The following PIK3CD variants were observed in gnomAD, a reference collection of about 807,000 sequenced individuals.
PIK3CD encodes the protein phosphatidylinositol 4,5-bisphosphate 3-kinase catalytic subunit delta isoform.
PIK3CD carries 20 observed loss-of-function variants against 122.9 expected under a neutral mutation model. That is an observed-to-expected ratio of 0.16 (90% CI 0.11 to 0.24). The LOEUF (loss-of-function observed/expected upper bound fraction) is 0.24, where lower values mean the gene tolerates loss of function less well. Ranked by LOEUF, PIK3CD falls within the 10% of genes least tolerant of loss-of-function variation. PIK3CD has a pLI of 1.00. For missense variants in PIK3CD, 787 were observed against 1,406.3 expected, an observed-to-expected ratio of 0.56 and a Z score of 7.04; for synonymous variants, 596 against 593.4, an observed-to-expected ratio of 1.00 and a Z score of -0.06.
the PIK3CD span, among the ~76,000 whole-genome samples, chr1:9,630,105 G>A: frequency 3.3e-5 from 5 of 152,216 alleles, no homozygotes; most frequent in Non-Finnish European, 5.9e-5. Flanking sequence ...TCCTCAGTGC[G>A]GTCCTCACTC....
rs185658676 is a variant in PIK3CD at position 9,686,498 on chromosome 1, G to A, written c.-137-4969G>A. Among the ~76,000 whole-genome samples the A allele has an allele frequency of 1.5e-3, 232 of 151,826 alleles. 1 individual carries two copies. Among genetic ancestry groups the A allele is most frequent in the African/African-American group, 5.2e-3 (217 of 41,378 alleles). On this transcript the variant is annotated intron_variant, in intron 1 of 23. Coordinates refer to ENST00000377346, the MANE Select transcript of PIK3CD (RefSeq NM_005026.5). Reference sequence around the variant, plus strand: ...ATTACAGGCGTGAGCCACCGTGCCCGCCTTAATTTACTCTGATTTTTCTTT... The same window carrying A: ...ATTACAGGCGTGAGCCACCGTGCCCACCTTAATTTACTCTGATTTTTCTTT...
In PIK3CD at chr1:9,675,356, C is replaced by A. The variant is rs1201032150; in HGVS notation, c.-137-16111C>A. Among the ~76,000 whole-genome samples, 185 of 141,014 alleles carry A rather than the reference C, an allele frequency of 1.3e-3. No individual in the cohort carries two copies. The Middle Eastern group carries it at 0.015, about 11-fold the overall frequency. The allele number at this position is 141,014 out of a possible 152,430, so 92.5% of individuals were successfully genotyped here. A position where few individuals can be genotyped will look rare whatever the true frequency, so the allele number is the denominator to read the frequency against. On this transcript the variant is annotated intron_variant, in intron 1 of 23. Coordinates refer to ENST00000377346, the MANE Select transcript of PIK3CD (RefSeq NM_005026.5). ...AGCCGAGATTGCGCCACTGCACTCC[C>A]ACCTGGGCCACAGAGCGAGACTCCG... is the stretch of plus-strand genomic sequence containing the variant.
chr1:9,713,183 T>C lies in PIK3CD; in HGVS notation c.142-2358T>C, dbSNP rs563915041. Among the ~76,000 whole-genome samples the C allele has an allele frequency of 5.0e-3, 758 of 151,756 alleles. 1 individual carries two copies. Among genetic ancestry groups the C allele is most frequent in the Non-Finnish European group, 9.1e-3 (621 of 67,882 alleles). On this transcript the variant is annotated intron_variant, in intron 3 of 23. Coordinates refer to ENST00000377346, the MANE Select transcript of PIK3CD (RefSeq NM_005026.5). ...TGGGCGACAAGAGCGAAACTCTGTC[T>C]CAAAAAAAAATCAGCCTGTGTGGTG...
intron 1 of PIK3CD, among the ~76,000 whole-genome samples, chr1:9,669,317 C>T (rs1479216178): frequency 1.3e-5 from 2 of 152,092 alleles, no homozygotes; most frequent in Non-Finnish European, 2.9e-5. Context: ...TGCCACCACA[C>T]CCGGGTAATT....
Position 9,716,498 on chromosome 1 carries a change from C to T in PIK3CD, c.659C>T (p.Ala220Val). ...GTGCCGCTGGCGCTGATGGCCTGTG[C>T]CCTGCGGAAGAAGGCCACAGTGTTC... ...KDVPLALMAC[A>V]LRKKATVFRQ... Residue 220 changes from alanine to valine, a missense_variant, in exon 6 of 24, where the codon GCC (alanine) becomes GTC (valine). By Grantham distance (64) the Ala-to-Val change is moderately conservative. This residue lies in a region of PIK3CD where 592 missense variants were observed against 920.6 expected (regional missense o/e 0.64). Coordinates refer to ENST00000377346, the MANE Select transcript of PIK3CD (RefSeq NM_005026.5). 1 of 1,610,968 alleles carries T rather than the reference C, an allele frequency of 6.2e-7. No individual in the cohort carries two copies. The highest frequency in any genetic ancestry group is 2.2e-4 in the Middle Eastern group (1 of 4,476).
chr1:9,721,026 C>G, intron 13 of PIK3CD, 101 bp from the exon 14 acceptor site: 1 of 1,440,754 alleles, frequency 6.9e-7, no homozygotes, highest in Non-Finnish European at 9.5e-7. Flanking sequence ...CACCCTGACC[C>G]TGGCCACCCA....
At chr1:9,645,904 G>A in the PIK3CD span, among the ~76,000 whole-genome samples, 15 of 151,504 alleles carry the variant, frequency 9.9e-5, no homozygotes, top group Admixed American at 2.0e-4. Context: ...GTGCCTGGCC[G>A]TATTTTTATT....
At chr1:9,682,128 G>T (rs1645778358) in intron 1 of PIK3CD, among the ~76,000 whole-genome samples, 1 of 151,978 alleles carries the variant, frequency 6.6e-6, no homozygotes, top group African/African-American at 2.4e-5. Context: ...TTGCCACGTT[G>T]GCCAGGCTGG....
At chr1:9,690,049 A>G (rs548486613) in intron 1 of PIK3CD, among the ~76,000 whole-genome samples, 13 of 152,174 alleles carry the variant, frequency 8.5e-5, no homozygotes, top group African/African-American at 3.1e-4. Context: ...CGGGCTTCGC[A>G]CGAGGACGCG....
upstream of PIK3CD, among the ~76,000 whole-genome samples, chr1:9,650,993 C>G (rs909957210): frequency 3.3e-5 from 5 of 152,246 alleles, no homozygotes; most frequent in East Asian, 9.7e-4. Context: ...ACAAGGTGTG[C>G]ACCACCACGA....
intron 1 of PIK3CD, among the ~76,000 whole-genome samples, chr1:9,677,384 G>A (rs951093220): frequency 6.6e-6 from 1 of 152,114 alleles, no homozygotes; most frequent in African/African-American, 2.4e-5. Flanking sequence ...GGTGGCTCAC[G>A]CCTGTAATCC....
At chr1:9,709,047 G>A (rs2100751551) in intron 2 of PIK3CD, among the ~76,000 whole-genome samples, 1 of 150,316 alleles carries the variant, frequency 6.7e-6, no homozygotes, top group South Asian at 2.1e-4. Flanking sequence ...TTTTTTTTTT[G>A]AGACGGAGTT....
upstream of PIK3CD, among the ~76,000 whole-genome samples, chr1:9,647,927 A>G (rs1644623031): frequency 6.6e-6 from 1 of 152,196 alleles, no homozygotes; most frequent in African/African-American, 2.4e-5. Context: ...CTTTGTTTGA[A>G]TCAGTTGGCC....
chr1:9,654,072 G>T, intron 1 of PIK3CD: 1 of 1,205,172 alleles, frequency 8.3e-7, no homozygotes. Flanking sequence ...GCCCATCTCT[G>T]AGAAACATAA....
In PIK3CD at chr1:9,710,357, G is replaced by A; in HGVS notation, c.-32-67G>A. The A allele has an allele frequency of 3.9e-6, 5 of 1,281,082 alleles. No homozygotes were observed. The highest frequency in any genetic ancestry group is 5.7e-6 in the Non-Finnish European group (5 of 881,152). 79.4% of individuals were successfully genotyped at this position (1,281,082 alleles called of 1,614,324 possible). A position where few individuals can be genotyped will look rare whatever the true frequency, so the allele number is the denominator to read the frequency against. ...TCCAAGGACCCCACTGTTTTCCAGG[G>A]AGTCCCTTCCAAAGGTCTCACCCAG... is the stretch of plus-strand genomic sequence containing the variant. On this transcript the variant is annotated intron_variant, in intron 2 of 23. Coordinates refer to ENST00000377346, the MANE Select transcript of PIK3CD (RefSeq NM_005026.5). This position sits in a 1 kb window ranked among gnomAD's most constrained non-coding sequence, Gnocchi z 4.7.
At chr1:9,703,974 T>A (rs1311635044) in intron 2 of PIK3CD, among the ~76,000 whole-genome samples, 1 of 152,214 alleles carries the variant, frequency 6.6e-6, no homozygotes, top group Non-Finnish European at 1.5e-5. Flanking sequence ...CTGGTTTGCG[T>A]TCTTGGGGCA....
chr1:9,671,086 T>C (rs1414088267), intron 1 of PIK3CD, among the ~76,000 whole-genome samples: 1 of 150,936 alleles, frequency 6.6e-6, no homozygotes, highest in Non-Finnish European at 1.5e-5. Context: ...GAAACGAGTC[T>C]CACTCTACTG....
At chr1:9,698,002 G>A (rs989521223) in intron 2 of PIK3CD, among the ~76,000 whole-genome samples, 4 of 152,030 alleles carry the variant, frequency 2.6e-5, no homozygotes, top group Non-Finnish European at 5.9e-5. Flanking sequence ...CTGCACTCCA[G>A]CCTGGGAAAC....
chr1:9,631,435 A>G, the PIK3CD span, among the ~76,000 whole-genome samples: 1 of 152,260 alleles, frequency 6.6e-6, no homozygotes, highest in Non-Finnish European at 1.5e-5. Context: ...CAGGCAGATC[A>G]CTTGAGGCCA....
Sources: allele counts gnomAD v4.1 joint callset (sites outside exome capture counted in the v4.1 genomes callset), GRCh38; gene constraint gnomAD v4.1.1; regional missense constraint gnomAD v4.1.1; non-coding constraint Gnocchi (gnomAD v3.1); transcripts MANE v1.5; gene names NCBI Gene and HGNC (gene_info 2026-07-23, HGNC 2026-07-21).